CFAP221: variants seen among roughly 807,000 people sequenced by gnomAD.
CFAP221 encodes the protein cilia and flagella associated protein 221.
CFAP221 carries 97 observed loss-of-function variants against 113.1 expected under a neutral mutation model. That is an observed-to-expected ratio of 0.86 (90% CI 0.73 to 1.02). The LOEUF is 1.02. Ranked by LOEUF, CFAP221 falls within the 50% of genes least tolerant of loss-of-function variation. The pLI, the probability that CFAP221 is intolerant of heterozygous loss-of-function variation, is 0.00. For missense variants in CFAP221, 1,025 were observed against 1,013.4 expected (o/e 1.01, Z -0.16); for synonymous variants, 331 against 354.4 (o/e 0.93, Z 0.74).
At chr2:119,605,691 G>A (rs1289958574) in intron 11 of CFAP221, among the ~76,000 whole-genome samples, 2 of 152,160 alleles carry the variant, frequency 1.3e-5, no homozygotes, top group Non-Finnish European at 2.9e-5. Flanking sequence ...AGGCTCTGGG[G>A]GGCTCCTAAT....
At chr2:119,591,015 C>T (rs566030691) in intron 7 of CFAP221, among the ~76,000 whole-genome samples, 2 of 152,172 alleles carry the variant, frequency 1.3e-5, no homozygotes, top group South Asian at 4.1e-4. Flanking sequence ...CACATAGTGG[C>T]TATATGACTG....
intron 6 of CFAP221, among the ~76,000 whole-genome samples, chr2:119,566,953 C>T (rs1681689946): frequency 6.6e-6 from 1 of 152,022 alleles, no homozygotes; most frequent in Non-Finnish European, 1.5e-5. Context: ...CATAATAGGG[C>T]CTGGAGATTT....
In CFAP221 at chr2:119,651,857, G is replaced by A. The variant is rs111912238; in HGVS notation, c.2319-117G>A. 1,162 of 715,806 alleles carry A rather than the reference G, an allele frequency of 1.6e-3. 6 individuals are homozygous for A. Among genetic ancestry groups the A allele is most frequent in the African/African-American group, 0.013 (710 of 54,646 alleles). The allele number at this position is 715,806 out of a possible 1,614,324, so 44.3% of individuals were successfully genotyped here. On this transcript the variant is annotated intron_variant, in intron 22 of 23. Coordinates refer to ENST00000413369, the MANE Select transcript of CFAP221 (RefSeq NM_001271049.2). The stretch of plus-strand genomic sequence containing the variant: ...TTAATGTAAACAACAAAAGTAGATG[G>A]AACTAAAGTTGAATACCACAAGAAT...
chr2:119,619,187 C>T (rs1174035862), intron 14 of CFAP221, among the ~76,000 whole-genome samples: 40 of 152,194 alleles, frequency 2.6e-4, no homozygotes, highest in Non-Finnish European at 7.3e-5. Context: ...TTCCTGCCTG[C>T]TGGCTCTGAA....
Position 119,615,670 on chromosome 2 carries a change from G to A in CFAP221, c.1371G>A (p.Arg457=). 1 of 1,612,996 alleles carries A rather than the reference G, an allele frequency of 6.2e-7. No homozygotes were observed. Among genetic ancestry groups the A allele is most frequent in the Non-Finnish European group, 8.5e-7 (1 of 1,179,560 alleles). Reference sequence around the variant, plus strand: ...TCATTAATAACACTTGGCTCAGCAGGTCCAGGGCACAAAAACGGTTTCAAC... The same window carrying A: ...TCATTAATAACACTTGGCTCAGCAGATCCAGGGCACAAAAACGGTTTCAAC... ...DPLINNTWLS[R]SRAQKRFQQV... Residue 457 remains arginine, a synonymous_variant, in exon 14 of 24, where the codon AGG becomes AGA. Transcript: ENST00000413369.
intron 14 of CFAP221, among the ~76,000 whole-genome samples, chr2:119,618,622 C>G (rs891161211): frequency 3.3e-5 from 5 of 152,194 alleles, no homozygotes; most frequent in Non-Finnish European, 7.3e-5. Context: ...GGTGCCTACA[C>G]CACCAGAGCT....
intron 23 of CFAP221, chr2:119,656,031 A>T (rs962309841): frequency 4.1e-5 from 12 of 291,154 alleles, no homozygotes; most frequent in East Asian, 1.5e-4. Context: ...TCACACCAGG[A>T]TCTCTGTGAA....
chr2:119,648,254 C>T (rs886695435), intron 22 of CFAP221, among the ~76,000 whole-genome samples: 1 of 152,072 alleles, frequency 6.6e-6, no homozygotes, highest in Non-Finnish European at 1.5e-5. Context: ...TTGTATCACC[C>T]AATAGTAACA....
chr2:119,654,923 C>G (rs771041691), intron 23 of CFAP221, among the ~76,000 whole-genome samples: 1 of 152,208 alleles, frequency 6.6e-6, no homozygotes, highest in Non-Finnish European at 1.5e-5. Flanking sequence ...CTCCTCAGCT[C>G]ACATCAAGCC....
downstream of CFAP221, among the ~76,000 whole-genome samples, chr2:119,658,508 G>A (rs576567120): frequency 6.6e-6 from 1 of 152,122 alleles, no homozygotes; most frequent in South Asian, 2.1e-4. Flanking sequence ...TAGAAATCAA[G>A]ACCTGCTACA....
At chr2:119,548,515 C>T (rs896178288) in intron 2 of CFAP221, among the ~76,000 whole-genome samples, 3 of 152,114 alleles carry the variant, frequency 2.0e-5, no homozygotes, top group Non-Finnish European at 4.4e-5. Flanking sequence ...TGAGCTCAGC[C>T]GTTTAAAAGG....
chr2:119,563,653 CTGAT>C (rs1358241055), intron 6 of CFAP221, among the ~76,000 whole-genome samples: 1 of 152,188 alleles, frequency 6.6e-6, no homozygotes, highest in African/African-American at 2.4e-5. Context: ...AGTATTCACT[CTGAT>C]TGATTGCTGT....
In CFAP221 at chr2:119,552,781, CTTTCTTTAATAAGAAATAAATAGAAATA is replaced by C; in HGVS notation, c.240+3617_240+3644del. On this transcript the variant is annotated intron_variant, in intron 3 of 23. Transcript: ENST00000413369. ...TAATAAGAAATAAATAGAAATATTT[CTTTCTTTAATAAGAAATAAATAGAAATA>C]TTTCTTTAATAAGAAATAAAGAGAA... is the stretch of plus-strand genomic sequence containing the variant. Among the ~76,000 whole-genome samples the C allele has an allele frequency of 5.2e-5, 5 of 95,968 alleles. 1 individual carries two copies. The South Asian group carries it at 1.8e-3, about 34-fold the overall frequency. The allele number at this position is 95,968 out of a possible 152,430, so 63.0% of individuals were successfully genotyped here. A position where few individuals can be genotyped will look rare whatever the true frequency, so the allele number is the denominator to read the frequency against.
chr2:119,659,846 G>T (rs115203202), downstream of CFAP221, among the ~76,000 whole-genome samples: 5,983 of 152,282 alleles, frequency 0.039, 253 homozygotes, highest in African/African-American at 0.11. Context: ...CTGAGGCAAG[G>T]CCTACCTAGT....
At chr2:119,574,145 C>G (rs532394086) in intron 6 of CFAP221, among the ~76,000 whole-genome samples, 6 of 152,334 alleles carry the variant, frequency 3.9e-5, no homozygotes, top group Non-Finnish European at 5.9e-5. Context: ...CTGCTCTCCT[C>G]CCCTAGACTT....
intron 8 of CFAP221, among the ~76,000 whole-genome samples, chr2:119,602,322 C>T (rs1684417988): frequency 6.6e-6 from 1 of 152,150 alleles, no homozygotes; most frequent in South Asian, 2.1e-4. Flanking sequence ...TTGCAGTGAG[C>T]CGAGATCACG....
At chr2:119,625,022 A>T (rs912462173) in intron 14 of CFAP221, among the ~76,000 whole-genome samples, 21 of 139,798 alleles carry the variant, frequency 1.5e-4, no homozygotes, top group Non-Finnish European at 2.3e-4. Context: ...AGTATATATT[A>T]AAAAAAAAAA....
At position 119,568,505 on chromosome 2, in the gene CFAP221, G is replaced by A. The variant is rs201806339; in HGVS notation, c.527+6391G>A. Among the ~76,000 whole-genome samples the A allele has an allele frequency of 2.0e-4, 31 of 151,832 alleles. No individual in the cohort carries two copies. The East Asian group carries it at 4.8e-3, about 24-fold the overall frequency. The stretch of plus-strand genomic sequence containing the variant: ...TCCCTCCCCGTGCCCCCCACCTCCC[G>A]ACAGGCCCCAGTGTGTGTTGTTCCC... On this transcript the variant is annotated intron_variant, in intron 6 of 23. Coordinates refer to ENST00000413369, the MANE Select transcript of CFAP221 (RefSeq NM_001271049.2).
intron 23 of CFAP221, chr2:119,655,819 C>G (rs1043048989): frequency 1.9e-5 from 3 of 154,132 alleles, no homozygotes; most frequent in Admixed American, 6.4e-5. Context: ...TTTTACACCA[C>G]GTCCAGTCAA....
Sources: allele counts gnomAD v4.1 joint callset (sites outside exome capture counted in the v4.1 genomes callset), GRCh38; gene constraint gnomAD v4.1.1; transcripts MANE v1.5; gene names NCBI Gene and HGNC (gene_info 2026-07-23, HGNC 2026-07-21).